Variants in CCDC63 observed in about 807,000 individuals in gnomAD.
The protein encoded by CCDC63 is coiled-coil domain containing 63, also known as coiled-coil domain-containing protein 63.
A neutral mutation model predicts 63.6 loss-of-function variants in CCDC63; 54 were observed. That is an observed-to-expected ratio of 0.85 (90% CI 0.68 to 1.07). CCDC63 has a LOEUF of 1.07. Among genes scored for constraint, CCDC63 ranks in the 50% least tolerant of loss-of-function variants. CCDC63 has a pLI of 0.00. For synonymous variants in CCDC63, 253 were observed against 266.1 expected (o/e 0.95, Z 0.48); for missense variants, 637 against 689.6 (o/e 0.92, Z 0.86).
chr12:110,850,042 C>A (rs527511395), intron 1 of CCDC63, among the ~76,000 whole-genome samples: 1 of 152,336 alleles, frequency 6.6e-6, no homozygotes, highest in South Asian at 2.1e-4. Flanking sequence ...GCTGCTATAA[C>A]AAATACATCC....
At chr12:110,859,885 T>G (rs973228771) in intron 4 of CCDC63, among the ~76,000 whole-genome samples, 3 of 151,944 alleles carry the variant, frequency 2.0e-5, no homozygotes, top group Non-Finnish European at 4.4e-5. Flanking sequence ...CCTCAGGGCC[T>G]TTGCTTATGC....
intron 4 of CCDC63, among the ~76,000 whole-genome samples, chr12:110,859,276 CATTGAAT>C (rs2070820130): frequency 6.6e-6 from 1 of 151,876 alleles, no homozygotes. Flanking sequence ...TCATGCTGGC[CATTGAAT>C]ATTCCAGTCT....
intron 7 of CCDC63, among the ~76,000 whole-genome samples, chr12:110,882,667 C>T (rs1363390813): frequency 4.0e-5 from 6 of 151,280 alleles, no homozygotes; most frequent in African/African-American, 1.5e-4. Flanking sequence ...CTAGCACATA[C>T]CAAAATTCTA....
intron 8 of CCDC63, among the ~76,000 whole-genome samples, chr12:110,885,298 T>G (rs1035792087): frequency 6.6e-6 from 1 of 152,168 alleles, no homozygotes; most frequent in Non-Finnish European, 1.5e-5. Context: ...TGAGAACTCA[T>G]TCTCATCTTG....
At chr12:110,885,817 T>C (rs1157661504) in intron 8 of CCDC63, among the ~76,000 whole-genome samples, 3 of 152,244 alleles carry the variant, frequency 2.0e-5, no homozygotes, top group Non-Finnish European at 4.4e-5. Flanking sequence ...GCTGGCCATG[T>C]GCAAACAGAT....
chr12:110,905,522 G>A (rs2136755566), intron 11 of CCDC63, among the ~76,000 whole-genome samples: 1 of 152,154 alleles, frequency 6.6e-6, no homozygotes, highest in African/African-American at 2.4e-5. Context: ...AAAGGTGGAG[G>A]AGTGGAGGCT....
chr12:110,852,150 T>C (rs896218520), intron 1 of CCDC63, among the ~76,000 whole-genome samples: 3 of 152,294 alleles, frequency 2.0e-5, no homozygotes, highest in Non-Finnish European at 4.4e-5. Context: ...GGTGACATGA[T>C]AAGAATACTG....
intron 5 of CCDC63, among the ~76,000 whole-genome samples, chr12:110,874,245 C>T (rs1227428573): frequency 1.3e-5 from 2 of 151,996 alleles, no homozygotes; most frequent in African/African-American, 4.8e-5. Context: ...AGAAGCAGCT[C>T]AAGCATTACC....
intron 1 of CCDC63, among the ~76,000 whole-genome samples, chr12:110,849,494 T>C (rs559927361): frequency 1.5e-5 from 2 of 137,668 alleles, no homozygotes; most frequent in African/African-American, 2.5e-5. Flanking sequence ...CAAGCTCTTA[T>C]TTCCTTTTTT....
intron 10 of CCDC63, among the ~76,000 whole-genome samples, chr12:110,902,306 T>C (rs145362723): frequency 9.2e-5 from 14 of 152,192 alleles, no homozygotes; most frequent in African/African-American, 3.1e-4. Flanking sequence ...GCCTATCAGG[T>C]TCTTTCTAGC....
At chr12:110,850,400 G>C (rs576876107) in intron 1 of CCDC63, among the ~76,000 whole-genome samples, 3 of 152,348 alleles carry the variant, frequency 2.0e-5, no homozygotes, top group Non-Finnish European at 2.9e-5. Context: ...CTGTTGGGGA[G>C]GCAATGAACT....
chr12:110,903,837 C>T (rs1334216635), intron 10 of CCDC63, among the ~76,000 whole-genome samples: 2 of 149,324 alleles, frequency 1.3e-5, no homozygotes, highest in Non-Finnish European at 3.0e-5. Context: ...AAGCAAAGGC[C>T]TGGAGACTTG....
intron 4 of CCDC63, among the ~76,000 whole-genome samples, chr12:110,869,485 T>A (rs2071035461): frequency 6.6e-6 from 1 of 152,284 alleles, no homozygotes; most frequent in South Asian, 2.1e-4. Flanking sequence ...CAGATACTAG[T>A]TCTGAAACTT....
intron 4 of CCDC63, among the ~76,000 whole-genome samples, chr12:110,864,398 T>C (rs1181709872): frequency 6.7e-6 from 1 of 148,336 alleles, no homozygotes; most frequent in East Asian, 2.0e-4. Flanking sequence ...GAGACCAGCC[T>C]GGGCAACATA....
At chr12:110,853,846 T>C (rs1466673444) in intron 3 of CCDC63, among the ~76,000 whole-genome samples, 1 of 152,204 alleles carries the variant, frequency 6.6e-6, no homozygotes, top group Non-Finnish European at 1.5e-5. Context: ...AAGGACCTAA[T>C]TGAGGAAAGA....
chr12:110,898,397 C>T (rs1354965732), intron 9 of CCDC63, among the ~76,000 whole-genome samples: 2 of 145,250 alleles, frequency 1.4e-5, no homozygotes, highest in South Asian at 4.3e-4. Context: ...CCAACGTGGG[C>T]AGATCACTTG....
chr12:110,899,345 G>A (rs1249794151), intron 10 of CCDC63, among the ~76,000 whole-genome samples: 2 of 152,120 alleles, frequency 1.3e-5, no homozygotes, highest in African/African-American at 2.4e-5. Flanking sequence ...TTGAGACAGG[G>A]TCTTGCTCTG....
chr12:110,881,096 C>CTG lies in CCDC63; in HGVS notation c.672-17_672-16dup. On this transcript the variant is annotated intron_variant, in intron 6 of 11. Coordinates refer to ENST00000308208, the MANE Select transcript of CCDC63 (RefSeq NM_152591.3). Reference sequence around the variant, plus strand: ...AGGAGGAGCCTCAGATGCTCAGGCTCTGTACTCCCTTTGCCCAGGGTGGAG... The same window carrying CTG: ...AGGAGGAGCCTCAGATGCTCAGGCTCTGTGTACTCCCTTTGCCCAGGGTGGAG... The CTG allele has an allele frequency of 6.3e-7, 1 of 1,597,304 alleles. No homozygotes were observed. The highest frequency in any genetic ancestry group is 1.3e-5 in the African/African-American group (1 of 74,206).
chr12:110,868,588 G>A (rs973471144), intron 4 of CCDC63, among the ~76,000 whole-genome samples: 18 of 151,746 alleles, frequency 1.2e-4, no homozygotes, highest in Admixed American at 1.1e-3. Flanking sequence ...AGGTGTGGCG[G>A]CGCGTGCCTG....
Sources: gnomAD v4.1 joint callset for allele counts (sites outside exome capture counted in the v4.1 genomes callset) on GRCh38, gnomAD v4.1.1 for gene constraint, MANE v1.5 for transcripts, NCBI Gene and HGNC (gene_info 2026-07-23, HGNC 2026-07-21) for gene names.